PCSK2: variants seen among roughly 807,000 people sequenced by gnomAD.
The protein encoded by PCSK2 is proprotein convertase subtilisin/kexin type 2, also known as neuroendocrine convertase 2.
A neutral mutation model predicts 69.7 loss-of-function variants in PCSK2; 14 were observed. That is an observed-to-expected ratio of 0.20 (90% confidence interval 0.13 to 0.31). PCSK2 has a LOEUF of 0.31. Among genes scored for constraint, PCSK2 ranks in the 10% least tolerant of loss-of-function variants. The pLI is 1.00. For missense variants in PCSK2, 544 were observed against 842.5 expected, an observed-to-expected ratio of 0.65 and a Z score of 4.39; for synonymous variants, 307 against 320.7, an observed-to-expected ratio of 0.96 and a Z score of 0.46.
In PCSK2 at chr20:17,387,582, A is replaced by C. The variant is rs75563948; in HGVS notation, c.543+18305A>C. Among the ~76,000 whole-genome samples the C allele has an allele frequency of 4.5e-3, 687 of 152,348 alleles. 17 individuals carry two copies. The highest frequency in any genetic ancestry group is 0.032 in the East Asian group (168 of 5,172). ...CATGACATGATAGCTGACTTCACCC[A>C]GAGCAAGCAATCTCAGAGAGGGACC... On this transcript the variant is annotated intron_variant, in intron 5 of 11. Transcript: ENST00000262545.
chr20:17,377,197 AG>A (rs1246712843), intron 5 of PCSK2, among the ~76,000 whole-genome samples: 2 of 152,256 alleles, frequency 1.3e-5, no homozygotes, highest in Non-Finnish European at 2.9e-5. Flanking sequence ...GTTCCTAGAT[AG>A]GAGAGGACAA....
chr20:17,227,263 A>G lies in PCSK2; in HGVS notation c.-43A>G. On this transcript the variant is annotated 5_prime_UTR_variant, in exon 1 of 12. Transcript: ENST00000262545. Reference sequence around the variant, plus strand: ...CTCCCTCCGAGTCCCCTGCTCCGCCAGCCTGCGCGCCTCCTAGCACCACTT... The same window carrying G: ...CTCCCTCCGAGTCCCCTGCTCCGCCGGCCTGCGCGCCTCCTAGCACCACTT... 6.6e-7 allele frequency: 1 copy of G among 1,520,016 alleles called. No individual in the cohort carries two copies. The highest frequency in any genetic ancestry group is 9.1e-7 in the Non-Finnish European group (1 of 1,096,902). 94.2% of individuals were successfully genotyped at this position (1,520,016 alleles called of 1,614,324 possible). A position where few individuals can be genotyped will look rare whatever the true frequency, so the allele number is the denominator to read the frequency against.
chr20:17,305,069 A>T lies in PCSK2; in HGVS notation c.282+44725A>T, dbSNP rs568634552. ...ATTTTTTTGTTTCCTACAGGTTGAG[A>T]TTCAGTACGTTCTAAGAGGGAGTTC... On this transcript the variant is annotated intron_variant, in intron 2 of 11. Coordinates refer to ENST00000262545, the MANE Select transcript of PCSK2 (RefSeq NM_002594.5). 2.7e-4 allele frequency among the ~76,000 whole-genome samples: 41 copies of T among 152,210 alleles called. 1 individual carries two copies. The South Asian group carries it at 3.7e-3, about 14-fold the overall frequency.
intron 1 of PCSK2, among the ~76,000 whole-genome samples, chr20:17,243,903 A>G (rs777499355): frequency 3.3e-5 from 5 of 152,250 alleles, no homozygotes; most frequent in Non-Finnish European, 7.3e-5. Flanking sequence ...TTAAAAAAAG[A>G]AATGACAACC....
At chr20:17,360,679 C>T (rs541045866) in intron 4 of PCSK2, 39 bp downstream of exon 4, 15 of 1,233,070 alleles carry the variant, frequency 1.2e-5, no homozygotes, top group Non-Finnish European at 1.7e-5. Context: ...TGGAAATAAG[C>T]GTGCCTTTGC....
At chr20:17,303,552 A>AATAT (rs372994711) in intron 2 of PCSK2, among the ~76,000 whole-genome samples, 1 of 50,436 alleles carries the variant, frequency 2.0e-5, no homozygotes, top group Non-Finnish European at 4.0e-5. Flanking sequence ...AATATGATAT[A>AATAT]ATATATATTA....
chr20:17,447,195 T>C (rs1394487150), intron 8 of PCSK2, among the ~76,000 whole-genome samples: 1 of 149,546 alleles, frequency 6.7e-6, no homozygotes, highest in East Asian at 2.0e-4. Flanking sequence ...ATCTTGAAGC[T>C]GGGAGGCAAA....
intron 2 of PCSK2, among the ~76,000 whole-genome samples, chr20:17,274,662 T>C (rs1262784201): frequency 6.6e-6 from 1 of 152,128 alleles, no homozygotes; most frequent in Non-Finnish European, 1.5e-5. Flanking sequence ...GTGGATCTTT[T>C]AGCCCCAGTC....
chr20:17,450,010 T>G (rs1361260813), intron 8 of PCSK2, among the ~76,000 whole-genome samples: 14 of 148,242 alleles, frequency 9.4e-5, no homozygotes, highest in African/African-American at 3.5e-4. Context: ...TTTGTTGAAT[T>G]TCTTCCCTTT....
At chr20:17,427,354 T>C (rs2032269979) in intron 6 of PCSK2, among the ~76,000 whole-genome samples, 2 of 152,144 alleles carry the variant, frequency 1.3e-5, no homozygotes, top group Non-Finnish European at 2.9e-5. Flanking sequence ...GCAGTGTGGA[T>C]GGAAAAGGTG....
intron 1 of PCSK2, among the ~76,000 whole-genome samples, chr20:17,230,597 A>G (rs924203063): frequency 5.3e-5 from 8 of 152,062 alleles, no homozygotes; most frequent in Non-Finnish European, 1.0e-4. Flanking sequence ...TTTTCTTTTT[A>G]CTTTTATTAT....
intron 5 of PCSK2, among the ~76,000 whole-genome samples, chr20:17,398,151 G>A (rs950546918): frequency 1.3e-5 from 2 of 152,144 alleles, no homozygotes; most frequent in African/African-American, 4.8e-5. Flanking sequence ...AGTGAGAGAA[G>A]ATTATAACAG....
intron 2 of PCSK2, among the ~76,000 whole-genome samples, chr20:17,353,879 A>G (rs2030101531): frequency 6.6e-6 from 1 of 152,192 alleles, no homozygotes; most frequent in Non-Finnish European, 1.5e-5. Flanking sequence ...TCATTATCCT[A>G]AGCAAATTAA....
chr20:17,280,415 C>T (rs1988263758), intron 2 of PCSK2, among the ~76,000 whole-genome samples: 1 of 152,080 alleles, frequency 6.6e-6, no homozygotes, highest in Non-Finnish European at 1.5e-5. Context: ...ATTGATGGGT[C>T]AAATTTGTGT....
intron 7 of PCSK2, among the ~76,000 whole-genome samples, 174 bp downstream of exon 7, chr20:17,429,697 T>G (rs76792512): frequency 0.027 from 4,167 of 152,276 alleles, 194 homozygotes; most frequent in African/African-American, 0.095. Context: ...AGTTTTAAAT[T>G]TTTAATTTAA....
At chr20:17,237,499 T>TG (rs768983210) in intron 1 of PCSK2, among the ~76,000 whole-genome samples, 105 of 151,456 alleles carry the variant, frequency 6.9e-4, no homozygotes, top group South Asian at 1.3e-3. Context: ...GTTAGAGATA[T>TG]GGAAAAAGAA....
chr20:17,227,583 C>T, intron 1 of PCSK2, 101 bp downstream of exon 1: 1 of 831,248 alleles, frequency 1.2e-6, no homozygotes, highest in East Asian at 2.7e-5. Flanking sequence ...CTCTCTTTCT[C>T]ATGCGATGCA....
At chr20:17,411,584 G>A (rs887612381) in intron 6 of PCSK2, among the ~76,000 whole-genome samples, 4 of 152,240 alleles carry the variant, frequency 2.6e-5, no homozygotes, top group African/African-American at 9.6e-5. Flanking sequence ...ACCTCTGTGG[G>A]CAGGGCATAG....
At chr20:17,318,983 G>A (rs1349056761) in intron 2 of PCSK2, among the ~76,000 whole-genome samples, 6 of 152,168 alleles carry the variant, frequency 3.9e-5, no homozygotes, top group Admixed American at 6.5e-5. Flanking sequence ...TCATTTCTGA[G>A]CCAGTGTTTG....
Sources: allele counts gnomAD v4.1 joint callset (sites outside exome capture counted in the v4.1 genomes callset), GRCh38; gene constraint gnomAD v4.1.1; transcripts MANE v1.5; gene names NCBI Gene and HGNC (gene_info 2026-07-23, HGNC 2026-07-21).